The following PLEKHG7 variants were observed in gnomAD, a reference collection of about 807,000 sequenced individuals.
PLEKHG7 encodes the protein pleckstrin homology domain-containing family G member 7.
PLEKHG7 carries 77 observed loss-of-function variants against 85.2 expected under a neutral mutation model. The ratio of observed to expected loss-of-function variants is 0.90; its 90% CI spans 0.75 to 1.09. The LOEUF is 1.09. PLEKHG7 is among the 50% of genes least tolerant of loss of function. The probability of loss-of-function intolerance (pLI) is 0.00; values close to 1 mark genes in which losing one functional copy is unlikely to be tolerated. For missense variants in PLEKHG7, 777 were observed against 804.3 expected, an observed-to-expected ratio of 0.97 and a Z score of 0.41; for synonymous variants, 301 against 302.4, an observed-to-expected ratio of 1.00 and a Z score of 0.05.
Position 92,764,121 on chromosome 12 carries a change from G to C in PLEKHG7, c.1797G>C (p.Ser599=). The stretch of plus-strand genomic sequence containing the variant: ...AAGCAGTAATAAAAGAGGGTGGTTC[G>C]TGTACAGTACTCGATCAGCCTATTC... ...ELQAVIKEGG[S]CTVLDQPIPL... is the part of the protein sequence containing the mutation. The change falls in exon 15 of 17, where the codon TCG becomes TCC. Residue 599 remains serine (S), a synonymous_variant. Coordinates refer to ENST00000344636, the MANE Select transcript of PLEKHG7 (RefSeq NM_001377329.1). 1 of 1,612,450 alleles carries C rather than the reference G, an allele frequency of 6.2e-7. No individual in the cohort carries two copies. The highest frequency in any genetic ancestry group is 8.5e-7 in the Non-Finnish European group (1 of 1,179,076).
At chr12:92,716,101 GTTTTGTTTTT>G (rs991093238) in intron 3 of PLEKHG7, among the ~76,000 whole-genome samples, 4 of 145,994 alleles carry the variant, frequency 2.7e-5, no homozygotes, top group Non-Finnish European at 6.1e-5. Context: ...GTTTTGTTTT[GTTTTGTTTTT>G]TTTGAGACAG....
chr12:92,749,920 T>C (rs1294192972), intron 10 of PLEKHG7, among the ~76,000 whole-genome samples: 1 of 142,618 alleles, frequency 7.0e-6, no homozygotes, highest in African/African-American at 2.6e-5. Context: ...TATTTTATTT[T>C]ATTTTATTTA....
At chr12:92,746,294 T>C (rs1406077573) in intron 10 of PLEKHG7, among the ~76,000 whole-genome samples, 4 of 152,234 alleles carry the variant, frequency 2.6e-5, no homozygotes, top group Non-Finnish European at 5.9e-5. Flanking sequence ...AGCTCTTCCC[T>C]GCAGCTGCGA....
chr12:92,765,784 C>T (rs1226173223), intron 15 of PLEKHG7, among the ~76,000 whole-genome samples: 1 of 151,904 alleles, frequency 6.6e-6, no homozygotes, highest in East Asian at 1.9e-4. Context: ...AGAGTGAGAC[C>T]CTGTCTCTAA....
intron 3 of PLEKHG7, among the ~76,000 whole-genome samples, chr12:92,709,943 C>T (rs764228109): frequency 2.0e-5 from 3 of 152,078 alleles, no homozygotes; most frequent in Admixed American, 2.0e-4. Context: ...CCCTTCTTAG[C>T]CTGTTGACTT....
At chr12:92,731,600 G>A (rs1209731323) in intron 4 of PLEKHG7, among the ~76,000 whole-genome samples, 1 of 152,164 alleles carries the variant, frequency 6.6e-6, no homozygotes, top group Non-Finnish European at 1.5e-5. Context: ...GAATCCAATC[G>A]AATCTCTTTC....
intron 10 of PLEKHG7, among the ~76,000 whole-genome samples, chr12:92,749,927 T>C: frequency 9.4e-6 from 1 of 106,078 alleles, no homozygotes; most frequent in Admixed American, 9.4e-5. Context: ...TTTTATTTTA[T>C]TTATTTTATT....
chr12:92,735,364 C>G (rs920006629), intron 5 of PLEKHG7, among the ~76,000 whole-genome samples: 7 of 152,118 alleles, frequency 4.6e-5, no homozygotes, highest in Admixed American at 4.6e-4. Context: ...CAGCCACAGC[C>G]CATTAGCACA....
intron 3 of PLEKHG7, among the ~76,000 whole-genome samples, chr12:92,716,327 A>T (rs1304038441): frequency 6.6e-6 from 1 of 152,096 alleles, no homozygotes; most frequent in African/African-American, 2.4e-5. Flanking sequence ...CAAACTCCTG[A>T]CCTCAAGTCG....
intron 5 of PLEKHG7, among the ~76,000 whole-genome samples, chr12:92,733,257 G>T (rs538868006): frequency 2.6e-5 from 4 of 152,188 alleles, no homozygotes; most frequent in South Asian, 2.1e-4. Flanking sequence ...CTCACAGGGT[G>T]ATTGTAACGA....
At position 92,738,152 on chromosome 12, in the gene PLEKHG7, C is replaced by G. The variant is rs182202876; in HGVS notation, c.939+631C>G. Among the ~76,000 whole-genome samples, 13 of 152,318 alleles carry G rather than the reference C, an allele frequency of 8.5e-5. No homozygotes were observed. In the East Asian group the frequency reaches 1.7e-3, roughly 20 times the overall value. On this transcript the variant is annotated intron_variant, in intron 7 of 16. Coordinates refer to ENST00000344636, the MANE Select transcript of PLEKHG7 (RefSeq NM_001377329.1). ...GCTACCACCCACATGCAATTTAGTA[C>G]TGTTGAATTACATGGTATATTCATG...
intron 13 of PLEKHG7, among the ~76,000 whole-genome samples, chr12:92,760,918 G>A (rs988282974): frequency 5.9e-5 from 9 of 152,188 alleles, no homozygotes; most frequent in Admixed American, 4.6e-4. Context: ...CAGACAGGCT[G>A]ACTTAAACAG....
intron 10 of PLEKHG7, among the ~76,000 whole-genome samples, chr12:92,751,289 T>G (rs1872684299): frequency 6.6e-6 from 1 of 152,194 alleles, no homozygotes. Context: ...AGGTGGTCCT[T>G]GGAGCCTGGC....
At position 92,706,601 on chromosome 12, in the gene PLEKHG7, C is replaced by A. The variant is rs190148900; in HGVS notation, c.-31C>A. The A allele has an allele frequency of 2.6e-6, 4 of 1,554,812 alleles. No individual in the cohort carries two copies. Among genetic ancestry groups the A allele is most frequent in the Non-Finnish European group, 3.5e-6 (4 of 1,152,930 alleles). On this transcript the variant is annotated 5_prime_UTR_variant, in exon 2 of 17. Transcript: ENST00000344636. ...ACAGCAACTCATACGTCTTCTGGAA[C>A]CTTCTACCAACAGTAGAACCTCTTA... is the stretch of plus-strand genomic sequence containing the variant.
At position 92,741,545 on chromosome 12, in the gene PLEKHG7, G is replaced by A. The variant is rs906389364; in HGVS notation, c.1090G>A (p.Ala364Thr). 10 of 1,613,250 alleles carry A rather than the reference G, an allele frequency of 6.2e-6. No individual in the cohort carries two copies. Among genetic ancestry groups the A allele is most frequent in the East Asian group, 4.5e-5 (2 of 44,830 alleles). The change falls in exon 9 of 17, where the codon GCT (alanine) becomes ACT (threonine). Residue 364 changes from alanine (A) to threonine (T), a missense_variant. Physicochemically the swap from Ala to Thr is moderately conservative, Grantham distance 58. Coordinates refer to ENST00000344636, the MANE Select transcript of PLEKHG7 (RefSeq NM_001377329.1). ...LFGIIKDYVDASEISSSLDFI... is the reference protein window; with the variant it reads ...LFGIIKDYVDTSEISSSLDFI... ...TGGCATCATCAAGGACTATGTAGAC[G>A]CTTCTGAGATTTCCTCATCACTGGA...
rs781524891 is a variant in PLEKHG7, at chr12:92,769,037, G to C, written c.1925G>C (p.Cys642Ser). 1 of 1,603,996 alleles carries C rather than the reference G, an allele frequency of 6.2e-7. No homozygotes were observed. The part of the protein sequence containing the change: ...LIQHENRYRQ[C>S]IAAFLLQAQT... ...CAACACGAAAACAGATATCGACAGT[G>C]TATAGCAGCATTCTTATTACAAGCC... Residue 642 changes from cysteine (C) to serine (S), a missense_variant, in exon 16 of 17, where the codon TGT becomes TCT. By Grantham distance (112) the Cys-to-Ser change is moderately radical (BLOSUM62 -1). Transcript: ENST00000344636.
chr12:92,708,545 T>C (rs187807583), intron 3 of PLEKHG7: 1 of 152,326 alleles, frequency 6.6e-6, no homozygotes, highest in East Asian at 1.9e-4. Flanking sequence ...CCACTTAAAG[T>C]AACAGACAGT....
intron 7 of PLEKHG7, 46 bp downstream of exon 7, chr12:92,737,567 G>GT (rs1262314695): frequency 1.3e-6 from 2 of 1,562,960 alleles, no homozygotes; most frequent in Non-Finnish European, 1.7e-6. Context: ...ATATTAATTT[G>GT]TTTTTTTGGG....
At chr12:92,731,794 A>C (rs1872000811) in intron 4 of PLEKHG7, among the ~76,000 whole-genome samples, 1 of 152,114 alleles carries the variant, frequency 6.6e-6, no homozygotes, top group African/African-American at 2.4e-5. Flanking sequence ...CAAGTCTCCC[A>C]TTTGCTCAAG....
Sources: gnomAD v4.1 joint callset for allele counts (sites outside exome capture counted in the v4.1 genomes callset) on GRCh38, gnomAD v4.1.1 for gene constraint, MANE v1.5 for transcripts, NCBI Gene and HGNC (gene_info 2026-07-23, HGNC 2026-07-21) for gene names.